The following ROR1 variants were observed in gnomAD, a reference collection of about 807,000 sequenced individuals.
The protein encoded by ROR1 is ROR family WNT receptor 1.
ROR1 carries 19 observed loss-of-function variants against 78.8 expected under a neutral mutation model. The ratio of observed to expected loss-of-function variants is 0.24; its 90% confidence interval spans 0.17 to 0.35. The LOEUF is 0.35. Among genes scored for constraint, ROR1 ranks in the 10% least tolerant of loss-of-function variants. The pLI is 1.00. For missense variants in ROR1, 917 were observed against 1,177.8 expected, an observed-to-expected ratio of 0.78 and a Z score of 3.24; for synonymous variants, 386 against 433.6, an observed-to-expected ratio of 0.89 and a Z score of 1.36.
chr1:63,916,279 A>T (rs1190895981), intron 1 of ROR1, among the ~76,000 whole-genome samples: 1 of 152,208 alleles, frequency 6.6e-6, no homozygotes, highest in South Asian at 2.1e-4. Flanking sequence ...AAGAGCATTC[A>T]TCGGGCCAGG....
At chr1:63,909,872 C>G (rs1645556343) in intron 1 of ROR1, among the ~76,000 whole-genome samples, 1 of 152,246 alleles carries the variant, frequency 6.6e-6, no homozygotes, top group East Asian at 1.9e-4. Flanking sequence ...TTTGAACAAT[C>G]TTTTGAGTTG....
At chr1:63,936,772 A>G (rs1463982254) in intron 1 of ROR1, among the ~76,000 whole-genome samples, 2 of 152,318 alleles carry the variant, frequency 1.3e-5, no homozygotes, top group East Asian at 1.9e-4. Flanking sequence ...TAAAGTTGCT[A>G]TCAGGAACAA....
chr1:63,814,925 G>A (rs1478254509), intron 1 of ROR1, among the ~76,000 whole-genome samples: 1 of 152,186 alleles, frequency 6.6e-6, no homozygotes, highest in Non-Finnish European at 1.5e-5. Context: ...TACTTCTGGT[G>A]GAGTGTCTCT....
intron 4 of ROR1, among the ~76,000 whole-genome samples, chr1:64,056,734 C>T (rs867224495): frequency 3.3e-5 from 5 of 151,074 alleles, no homozygotes; most frequent in Middle Eastern, 3.5e-3. Flanking sequence ...AATGGTATCT[C>T]ATTGTGGTTT....
At chr1:64,085,716 G>A (rs1285456279) in intron 4 of ROR1, among the ~76,000 whole-genome samples, 1 of 152,104 alleles carries the variant, frequency 6.6e-6, no homozygotes, top group African/African-American at 2.4e-5. Context: ...AGTGCACAGA[G>A]CTTCCCTGCA....
intron 4 of ROR1, among the ~76,000 whole-genome samples, chr1:64,099,914 A>T (rs1185735549): frequency 2.0e-5 from 3 of 152,024 alleles, no homozygotes; most frequent in African/African-American, 4.8e-5. Context: ...AATTAGCTGG[A>T]CGTGGTGGCG....
intron 2 of ROR1, among the ~76,000 whole-genome samples, chr1:64,042,829 T>C (rs1646755060): frequency 6.6e-6 from 1 of 152,208 alleles, no homozygotes; most frequent in South Asian, 2.1e-4. Flanking sequence ...TATGGTGAAG[T>C]GTGCTGAAAG....
chr1:63,950,072 T>C (rs1249426437), intron 1 of ROR1, among the ~76,000 whole-genome samples: 1 of 152,146 alleles, frequency 6.6e-6, no homozygotes, highest in Non-Finnish European at 1.5e-5. Context: ...ACACAGGGAA[T>C]GTCCTGATAG....
At chr1:64,014,622 T>C (rs1245363150) in intron 2 of ROR1, among the ~76,000 whole-genome samples, 4 of 140,054 alleles carry the variant, frequency 2.9e-5, no homozygotes, top group African/African-American at 8.0e-5. Context: ...ATTGCTCCCA[T>C]AGGCAGCAGA....
chr1:64,063,761 C>T (rs770896519), intron 4 of ROR1, among the ~76,000 whole-genome samples: 1 of 151,992 alleles, frequency 6.6e-6, no homozygotes, highest in Non-Finnish European at 1.5e-5. Context: ...TTAGACTCAC[C>T]CAGGGAGCTT....
intron 1 of ROR1, among the ~76,000 whole-genome samples, chr1:63,777,391 C>A (rs571939360): frequency 6.6e-6 from 1 of 152,286 alleles, no homozygotes; most frequent in South Asian, 2.1e-4. Context: ...GAGCCCAAGT[C>A]CACTAGTCCC....
chr1:64,154,222 C>G (rs1312113822), intron 7 of ROR1, among the ~76,000 whole-genome samples: 3 of 152,154 alleles, frequency 2.0e-5, no homozygotes, highest in Non-Finnish European at 4.4e-5. Flanking sequence ...ATGCCTGGGC[C>G]CAGCCTGCCA....
intron 1 of ROR1, among the ~76,000 whole-genome samples, chr1:63,844,714 T>G (rs542654434): frequency 1.3e-5 from 2 of 151,812 alleles, no homozygotes; most frequent in Middle Eastern, 3.4e-3. Context: ...GCTTGTTGAG[T>G]GTGGTGCATG....
intron 1 of ROR1, among the ~76,000 whole-genome samples, chr1:63,885,165 T>G (rs1247300217): frequency 1.3e-5 from 2 of 152,286 alleles, no homozygotes; most frequent in East Asian, 3.9e-4. Context: ...AAGAGCTGTA[T>G]TTGAATAGTA....
At chr1:64,175,489 G>A (rs992587410) in intron 8 of ROR1, among the ~76,000 whole-genome samples, 1 of 151,854 alleles carries the variant, frequency 6.6e-6, no homozygotes, top group Non-Finnish European at 1.5e-5. Flanking sequence ...ATACTATATT[G>A]AATAGAACTA....
At chr1:63,784,437 T>C (rs776149399) in intron 1 of ROR1, among the ~76,000 whole-genome samples, 6 of 152,236 alleles carry the variant, frequency 3.9e-5, no homozygotes, top group Non-Finnish European at 7.3e-5. Flanking sequence ...TTTCACTTGT[T>C]TCATCCACAA....
chr1:63,840,189 A>G (rs1249668117), intron 1 of ROR1, among the ~76,000 whole-genome samples: 1 of 151,978 alleles, frequency 6.6e-6, no homozygotes, highest in Non-Finnish European at 1.5e-5. Context: ...TGTGTTTGGT[A>G]TGAAGCATTA....
intron 2 of ROR1, among the ~76,000 whole-genome samples, chr1:64,030,871 G>T (rs900846340): frequency 5.3e-5 from 8 of 152,114 alleles, no homozygotes; most frequent in Non-Finnish European, 7.3e-5. Context: ...AGGGGTGTGT[G>T]TGTGTATGTA....
Position 64,178,707 on chromosome 1 carries a change from C to T in ROR1, c.2666C>T (p.Ser889Leu). 6.2e-7 allele frequency: 1 copy of T among 1,614,112 alleles called. No homozygotes were observed. The highest frequency in any genetic ancestry group is 1.1e-5 in the South Asian group (1 of 91,066). Residue 889 changes from serine to leucine, a missense_variant, in exon 9 of 9, where the codon TCA becomes TTA. By Grantham distance (145) the Ser-to-Leu change is moderately radical (BLOSUM62 -2). Around this residue, in one of 3 missense-constraint regions of ROR1, gnomAD observed 835 missense variants for 1,069.8 expected, o/e 0.78. Coordinates refer to ENST00000371079, the MANE Select transcript of ROR1 (RefSeq NM_005012.4). This position sits in a 1 kb window ranked among gnomAD's most constrained non-coding sequence, Gnocchi z 4.3. ...AATATTCCTTTACTACCACACATGTCAATTCCAAATCATCCTGGTGGAATG... is the reference window on the plus strand; with the variant it reads ...AATATTCCTTTACTACCACACATGTTAATTCCAAATCATCCTGGTGGAATG... ...EANIPLLPHM[S>L]IPNHPGGMGI...
Sources: gnomAD v4.1 joint callset for allele counts (sites outside exome capture counted in the v4.1 genomes callset) on GRCh38, gnomAD v4.1.1 for gene constraint, gnomAD v4.1.1 regional missense constraint, Gnocchi (gnomAD v3.1) non-coding constraint, MANE v1.5 for transcripts, NCBI Gene and HGNC (gene_info 2026-07-23, HGNC 2026-07-21) for gene names.